PTP4A2: variants seen among roughly 807,000 people sequenced by gnomAD.
The protein encoded by PTP4A2 is protein tyrosine phosphatase type IVA 2.
Under a neutral mutation model 22.9 loss-of-function variants are expected in PTP4A2, and 2 were observed. The observed-to-expected ratio is 0.09, with a 90% CI of 0.04 to 0.27. The LOEUF (loss-of-function observed/expected upper bound fraction) is 0.27, where lower values mean the gene tolerates loss of function less well. Ranked by LOEUF, PTP4A2 falls within the 10% of genes least tolerant of loss-of-function variation. The probability of loss-of-function intolerance (pLI) is 1.00; values close to 1 mark genes in which losing one functional copy is unlikely to be tolerated. For missense variants in PTP4A2, 103 were observed against 205.1 expected, an observed-to-expected ratio of 0.50 and a Z score of 3.04; for synonymous variants, 68 against 69.1, an observed-to-expected ratio of 0.98 and a Z score of 0.08.
chr1:31,925,504 C>A (rs1168649540), intron 1 of PTP4A2, among the ~76,000 whole-genome samples: 1 of 152,194 alleles, frequency 6.6e-6, no homozygotes, highest in Non-Finnish European at 1.5e-5. Context: ...CCTATAATCC[C>A]AGCACTTTGG....
chr1:31,910,253 A>T, intron 4 of PTP4A2, 141 bp from the exon 5 acceptor site: 1 of 597,932 alleles, frequency 1.7e-6, no homozygotes, highest in South Asian at 2.2e-5. Flanking sequence ...TGCCTAATAC[A>T]GTAAATATAT....
At position 31,917,079 on chromosome 1, in the gene PTP4A2, G is replaced by A. The variant is rs143904225; in HGVS notation, c.97-1092C>T. Among the ~76,000 whole-genome samples, 90 of 152,262 alleles carry A rather than the reference G, an allele frequency of 5.9e-4. No individual in the cohort carries two copies. The East Asian group carries it at 0.017, about 28-fold the overall frequency. ...AACCCAGTGACTACCTATCTTCAAG[G>A]GGCTACCAATATCTTTTTTATAGTT... is the stretch of plus-strand genomic sequence containing the variant. On this transcript the variant is annotated intron_variant, in intron 2 of 5. Coordinates refer to ENST00000647444, the MANE Select transcript of PTP4A2 (RefSeq NM_080391.4).
intron 1 of PTP4A2, among the ~76,000 whole-genome samples, chr1:31,935,039 T>G (rs1652874222): frequency 6.6e-6 from 1 of 152,244 alleles, no homozygotes; most frequent in South Asian, 2.1e-4. Flanking sequence ...TGTAGTTCAA[T>G]TTATAATTAA....
At chr1:31,911,034 T>C (rs1171699512) in intron 4 of PTP4A2, 3 of 152,204 alleles carry the variant, frequency 2.0e-5, no homozygotes, top group Non-Finnish European at 2.9e-5. Context: ...AACATTATCT[T>C]CAACCTTCAG....
chr1:31,928,688 C>A (rs1652589182), intron 1 of PTP4A2, among the ~76,000 whole-genome samples: 2 of 129,758 alleles, frequency 1.5e-5, no homozygotes, highest in East Asian at 2.2e-4. Context: ...CAGAGTGAAA[C>A]TCTGTCTCAA....
rs183561278 is a variant in PTP4A2 at position 31,934,691 on chromosome 1, T to C, written c.-594+3296A>G. 9.9e-4 allele frequency among the ~76,000 whole-genome samples: 151 copies of C among 152,328 alleles called. 1 individual carries two copies. The highest frequency in any genetic ancestry group is 1.8e-3 in the Non-Finnish European group (123 of 68,032). On this transcript the variant is annotated intron_variant, in intron 1 of 5. Transcript: ENST00000647444. ...AGAAAAATAAATCCAATTTACCTTG[T>C]TTGAAACTTTTTTCAAGTCAACTAT... is the stretch of plus-strand genomic sequence containing the variant.
chr1:31,924,065 T>G (rs1652334628), intron 1 of PTP4A2: 1 of 152,210 alleles, frequency 6.6e-6, no homozygotes, highest in Non-Finnish European at 1.5e-5. Flanking sequence ...CAAATGTGTG[T>G]CAGCTGAGTA....
At chr1:31,914,035 T>C in intron 3 of PTP4A2, 1 of 382,064 alleles carries the variant, frequency 2.6e-6, no homozygotes, top group Non-Finnish European at 5.2e-6. Context: ...GAAATTTGAC[T>C]GCAAGCAAAT....
intron 1 of PTP4A2, chr1:31,930,928 C>T (rs969624078): frequency 5.3e-5 from 8 of 152,180 alleles, no homozygotes; most frequent in African/African-American, 1.7e-4. Flanking sequence ...TTATTCTTTA[C>T]TCACTAGCTC....
At chr1:31,916,037 C>T in intron 2 of PTP4A2, 50 bp from the exon 3 acceptor site, 2 of 1,290,828 alleles carry the variant, frequency 1.5e-6, no homozygotes, top group Non-Finnish European at 2.2e-6. Context: ...AAACCTACAG[C>T]CAAAAATGTA....
intron 1 of PTP4A2, chr1:31,931,149 G>C (rs771641391): frequency 6.6e-6 from 1 of 152,200 alleles, no homozygotes; most frequent in Non-Finnish European, 1.5e-5. Flanking sequence ...GCTCCTAGAA[G>C]AATCAACGTG....
rs1215825900 is a variant in PTP4A2, at chr1:31,919,198, G to A, written c.-133C>T. The A allele has an allele frequency of 1.4e-5, 7 of 504,692 alleles. No homozygotes were observed. Among genetic ancestry groups the A allele is most frequent in the East Asian group, 1.0e-4 (3 of 29,438 alleles). 31.3% of individuals were successfully genotyped at this position (504,692 alleles called of 1,614,324 possible). On this transcript the variant is annotated 5_prime_UTR_variant, in exon 2 of 6. Transcript: ENST00000647444. ...ACTAAAATGCCTATTATCAATCAGT[G>A]TTTTCTCTATTCAACTTGTTTATTC...
intron 3 of PTP4A2, among the ~76,000 whole-genome samples, chr1:31,914,699 C>T (rs146069779): frequency 1.5e-4 from 23 of 152,294 alleles, no homozygotes; most frequent in Middle Eastern, 3.4e-3. Flanking sequence ...CATTTCATTA[C>T]GTGCTCCTAA....
chr1:31,928,696 CAAAAAAA>C (rs1162186046), intron 1 of PTP4A2, among the ~76,000 whole-genome samples: 73 of 57,322 alleles, frequency 1.3e-3, no homozygotes, highest in African/African-American at 3.3e-3. Flanking sequence ...AACTCTGTCT[CAAAAAAA>C]AAAAAAAAAA....
intron 3 of PTP4A2, among the ~76,000 whole-genome samples, chr1:31,912,427 T>A (rs1651586949): frequency 6.6e-6 from 1 of 152,244 alleles, no homozygotes; most frequent in Non-Finnish European, 1.5e-5. Flanking sequence ...CTAAATTATA[T>A]ATGTCCCCAT....
At chr1:31,932,427 GT>G (rs1291538152) in intron 1 of PTP4A2, among the ~76,000 whole-genome samples, 1 of 152,140 alleles carries the variant, frequency 6.6e-6, no homozygotes, top group Non-Finnish European at 1.5e-5. Context: ...ATTGTGTAAG[GT>G]AAATTTATAT....
intron 4 of PTP4A2, 148 bp from the exon 5 acceptor site, chr1:31,910,260 A>C (rs1651463660): frequency 8.7e-6 from 5 of 573,836 alleles, no homozygotes; most frequent in Non-Finnish European, 1.5e-5. Flanking sequence ...TACAGTAAAT[A>C]TATCTCATCA....
In PTP4A2 at chr1:31,908,937, G is replaced by C; in HGVS notation, c.419C>G (p.Ser140Cys). 1 of 1,613,780 alleles carries C rather than the reference G, an allele frequency of 6.2e-7. No individual in the cohort carries two copies. The highest frequency in any genetic ancestry group is 8.5e-7 in the Non-Finnish European group (1 of 1,179,766). Residue 140 changes from serine to cysteine, a missense_variant, in exon 6 of 6, where the codon TCC becomes TGC. This residue lies in a region of PTP4A2 where 35 missense variants were observed against 64.5 expected (regional missense o/e 0.54). Transcript: ENST00000647444. ...IRQKRRGAFNSKQLLYLEKYR... is the reference protein window; with the variant it reads ...IRQKRRGAFNCKQLLYLEKYR... ...TTTCTCCAAATAAAGCAGCTGTTTG[G>C]AATTGAACGCTCCCCTTCTTTTTCT...
intron 2 of PTP4A2, among the ~76,000 whole-genome samples, chr1:31,917,647 A>G (rs771636742): frequency 2.0e-5 from 3 of 152,164 alleles, no homozygotes; most frequent in Non-Finnish European, 2.9e-5. Context: ...AGCAAGAAAA[A>G]TCATTTAAAC....
Sources: gnomAD v4.1 joint callset for allele counts (sites outside exome capture counted in the v4.1 genomes callset) on GRCh38, gnomAD v4.1.1 for gene constraint, gnomAD v4.1.1 regional missense constraint, MANE v1.5 for transcripts, NCBI Gene and HGNC (gene_info 2026-07-23, HGNC 2026-07-21) for gene names.